Variants in P4HA2 observed in about 807,000 individuals in gnomAD.
P4HA2 encodes the protein prolyl 4-hydroxylase subunit alpha 2.
A neutral mutation model predicts 76.9 loss-of-function variants in P4HA2; 46 were observed. The ratio of observed to expected loss-of-function variants is 0.60; its 90% CI spans 0.47 to 0.76. The LOEUF is 0.76. P4HA2 is among the 30% of genes least tolerant of loss of function. The pLI is 0.00. For missense variants in P4HA2, 583 were observed against 669.4 expected (o/e 0.87, Z 1.42); for synonymous variants, 243 against 254.0 (o/e 0.96, Z 0.41).
At chr5:132,203,438 A>G (rs571366318) in intron 10 of P4HA2, 1 of 363,558 alleles carries the variant, frequency 2.8e-6, no homozygotes, top group Admixed American at 3.8e-5. Context: ...GATGTCCCTG[A>G]GACCATTCAG....
chr5:132,192,755 T>G lies in P4HA2; in HGVS notation c.*255A>C. 2.3e-6 allele frequency: 1 copy of G among 432,324 alleles called. No homozygotes were observed. Among genetic ancestry groups the G allele is most frequent in the Non-Finnish European group, 4.1e-6 (1 of 241,758 alleles). The allele number at this position is 432,324 out of a possible 1,614,324, so 26.8% of individuals were successfully genotyped here. On this transcript the variant is annotated 3_prime_UTR_variant, in exon 15 of 15. Transcript: ENST00000360568. ...AAAACACCTGAGGTACAAAGGCACC[T>G]TGCTAGGCGCTAGACAGCTAACTCT...
intron 5 of P4HA2, among the ~76,000 whole-genome samples, chr5:132,211,704 T>C (rs1753117662): frequency 1.3e-5 from 2 of 152,058 alleles, no homozygotes; most frequent in African/African-American, 4.8e-5. Context: ...TGGGGCAGAG[T>C]AACATAGCTG....
At chr5:132,202,704 A>G (rs1381638860) in intron 10 of P4HA2, 1 of 152,226 alleles carries the variant, frequency 6.6e-6, no homozygotes, top group Non-Finnish European at 1.5e-5. Flanking sequence ...ATACTTTAAT[A>G]AGGAGCTTTA....
chr5:132,204,756 T>A (rs1156875649), intron 8 of P4HA2, among the ~76,000 whole-genome samples: 1 of 152,182 alleles, frequency 6.6e-6, no homozygotes. Flanking sequence ...AGTCAGATGA[T>A]AAAACCAGGA....
intron 1 of P4HA2, among the ~76,000 whole-genome samples, chr5:132,225,918 G>C (rs1755327256): frequency 6.6e-6 from 1 of 152,184 alleles, no homozygotes. Flanking sequence ...GAGGCCCCCA[G>C]CCAACTCACT....
At chr5:132,213,556 A>G (rs1052404998) in intron 5 of P4HA2, among the ~76,000 whole-genome samples, 1 of 152,198 alleles carries the variant, frequency 6.6e-6, no homozygotes, top group Admixed American at 6.5e-5. Flanking sequence ...ACAGGGGGAT[A>G]GTAAGCCCAG....
intron 1 of P4HA2, among the ~76,000 whole-genome samples, chr5:132,220,118 G>A (rs1005734244): frequency 2.0e-5 from 3 of 152,242 alleles, no homozygotes; most frequent in African/African-American, 7.2e-5. Context: ...CAGCAGAAGA[G>A]AGCAAGTCAT....
chr5:132,204,412 G>A (rs910806758), intron 8 of P4HA2, among the ~76,000 whole-genome samples: 3 of 152,102 alleles, frequency 2.0e-5, no homozygotes, highest in East Asian at 3.9e-4. Flanking sequence ...CCCCAGGTCC[G>A]CTTTGCCTGC....
At chr5:132,218,827 G>A (rs1754268251) in intron 1 of P4HA2, among the ~76,000 whole-genome samples, 183 bp from the exon 2 acceptor site, 1 of 152,240 alleles carries the variant, frequency 6.6e-6, no homozygotes, top group Non-Finnish European at 1.5e-5. Context: ...CCAGTGATGT[G>A]TGCTCAATTC....
At position 132,198,352 on chromosome 5, in the gene P4HA2, T is replaced by C; in HGVS notation, c.1334A>G (p.Glu445Gly). 1.2e-6 allele frequency: 2 copies of C among 1,613,818 alleles called. No individual in the cohort carries two copies. Among genetic ancestry groups the C allele is most frequent in the Non-Finnish European group, 1.7e-6 (2 of 1,180,032 alleles). ...AAGAAACGTCGCTAACCTATTCCCCTCTGTTTTGAGGCCGCTGTCAAAAGG... is the reference window on the plus strand; with the variant it reads ...AAGAAACGTCGCTAACCTATTCCCCCCTGTTTTGAGGCCGCTGTCAAAAGG... The part of the protein sequence containing the change: ...RRPFDSGLKT[E>G]GNRLATFLNY... Residue 445 changes from glutamate (E) to glycine (G), a missense_variant, in exon 12 of 15, where the codon GAG becomes GGG. Physicochemically the swap from Glu to Gly is moderately conservative, Grantham distance 98. Transcript: ENST00000360568.
chr5:132,209,376 C>T, intron 6 of P4HA2, 45 bp from the exon 7 acceptor site: 2 of 1,458,250 alleles, frequency 1.4e-6, no homozygotes, highest in Non-Finnish European at 1.9e-6. Context: ...CCACAAACAT[C>T]TGTTAGGTCA....
At chr5:132,204,835 C>T (rs549201780) in intron 8 of P4HA2, among the ~76,000 whole-genome samples, 2 of 152,364 alleles carry the variant, frequency 1.3e-5, no homozygotes, top group East Asian at 3.9e-4. Context: ...GTACACACTA[C>T]ACATGCACTC....
chr5:132,211,536 C>T (rs190217622), intron 5 of P4HA2, among the ~76,000 whole-genome samples: 2 of 152,326 alleles, frequency 1.3e-5, no homozygotes, highest in Admixed American at 1.3e-4. Context: ...GGTCTGCTAA[C>T]CCCGGTGGCT....
At chr5:132,212,446 T>C (rs1032396789) in intron 5 of P4HA2, among the ~76,000 whole-genome samples, 7 of 152,112 alleles carry the variant, frequency 4.6e-5, no homozygotes, top group African/African-American at 1.7e-4. Flanking sequence ...GTAGAATCCA[T>C]AGGCCTTAGG....
intron 1 of P4HA2, among the ~76,000 whole-genome samples, chr5:132,219,880 A>G (rs1419689727): frequency 2.6e-5 from 4 of 152,142 alleles, no homozygotes; most frequent in Admixed American, 6.5e-5. Flanking sequence ...TTAGGCTCAG[A>G]GAAGGCCAAC....
In P4HA2 at chr5:132,202,267, TAA is replaced by T. The variant is rs561648996; in HGVS notation, c.1251+1479_1251+1480del. The T allele has an allele frequency of 2.5e-3, 381 of 152,334 alleles. 4 individuals carry two copies. The highest frequency in any genetic ancestry group is 8.8e-3 in the African/African-American group (365 of 41,580). The allele number at this position is 152,334 out of a possible 1,614,324, so 9.4% of individuals were successfully genotyped here. ...TTTGCAAGGTAATCAGTATGCTTTTTAAAACTCTGGTAGACTTCACACCAATC... is the reference window on the plus strand; with the variant it reads ...TTTGCAAGGTAATCAGTATGCTTTTTAACTCTGGTAGACTTCACACCAATC... On this transcript the variant is annotated intron_variant, in intron 10 of 14. Transcript: ENST00000360568.
At chr5:132,205,357 G>T (rs1752070274) in intron 8 of P4HA2, among the ~76,000 whole-genome samples, 1 of 152,148 alleles carries the variant, frequency 6.6e-6, no homozygotes, top group African/African-American at 2.4e-5. Context: ...GTGGATTAAA[G>T]GTTATGGGAA....
At chr5:132,204,752 A>G (rs184506113) in intron 8 of P4HA2, among the ~76,000 whole-genome samples, 73 of 152,360 alleles carry the variant, frequency 4.8e-4, no homozygotes, top group Admixed American at 1.9e-3. Flanking sequence ...TACAAGTCAG[A>G]TGATAAAACC....
chr5:132,217,664 T>C, intron 3 of P4HA2, 88 bp downstream of exon 3: 1 of 875,808 alleles, frequency 1.1e-6, no homozygotes. Flanking sequence ...AAAGGTTTCC[T>C]CTTATAGGCA....
Sources: gnomAD v4.1 joint callset for allele counts (sites outside exome capture counted in the v4.1 genomes callset) on GRCh38, gnomAD v4.1.1 for gene constraint, MANE v1.5 for transcripts, NCBI Gene and HGNC (gene_info 2026-07-23, HGNC 2026-07-21) for gene names.